KHDC1: variants seen among roughly 807,000 people sequenced by gnomAD.
The protein encoded by KHDC1 is KH domain containing 1, also known as KH homology domain-containing protein 1.
In KHDC1, 21 loss-of-function variants were observed where a neutral mutation model predicts 24.7. The observed-to-expected ratio is 0.85, with a 90% CI of 0.60 to 1.23. The LOEUF (loss-of-function observed/expected upper bound fraction) is 1.23. Among genes scored for constraint, KHDC1 ranks in the 50% most tolerant of loss-of-function variants. The pLI, the probability that KHDC1 is intolerant of heterozygous loss-of-function variation, is 0.00. For missense variants in KHDC1, 274 were observed against 298.5 expected, an observed-to-expected ratio of 0.92 and a Z score of 0.61; for synonymous variants, 98 against 111.7, an observed-to-expected ratio of 0.88 and a Z score of 0.77.
intron 2 of KHDC1, among the ~76,000 whole-genome samples, chr6:73,286,571 G>A (rs1191987887): frequency 6.6e-6 from 1 of 152,064 alleles, no homozygotes; most frequent in Non-Finnish European, 1.5e-5. Flanking sequence ...ATGACAAAGA[G>A]CAATATATAA....
intron 1 of KHDC1, among the ~76,000 whole-genome samples, chr6:73,302,703 C>T (rs1330546147): frequency 6.6e-6 from 1 of 152,176 alleles, no homozygotes; most frequent in Non-Finnish European, 1.5e-5. Context: ...TCTGATGGGA[C>T]CATTATTGTA....
In KHDC1 at chr6:73,290,571, A is replaced by T; in HGVS notation, c.206+1427T>A. 2 of 506,202 alleles carry T rather than the reference A, an allele frequency of 4.0e-6. 1 individual carries two copies. Among genetic ancestry groups the T allele is most frequent in the South Asian group, 2.9e-5 (2 of 67,886 alleles). The allele number at this position is 506,202 out of a possible 1,614,324, so 31.4% of individuals were successfully genotyped here. ...AAATATATCATAAATCTGAAGAGGA[A>T]CTGGGAGAAGCTTCTGCTGGCAGCT... On this transcript the variant is annotated intron_variant, in intron 2 of 4. Transcript: ENST00000370384.
intron 2 of KHDC1, chr6:73,291,838 G>A: frequency 1.4e-6 from 1 of 704,072 alleles, no homozygotes; most frequent in Non-Finnish European, 2.4e-6. Flanking sequence ...TTGTGTGATG[G>A]GCACACTGGA....
At chr6:73,280,435 T>G (rs1348317015) in intron 2 of KHDC1, among the ~76,000 whole-genome samples, 3 of 152,184 alleles carry the variant, frequency 2.0e-5, no homozygotes, top group African/African-American at 4.8e-5. Context: ...AGTGCTGAGA[T>G]TACTGGCATG....
At chr6:73,292,844 A>T (rs546545566) in intron 1 of KHDC1, 5 of 712,464 alleles carry the variant, frequency 7.0e-6, no homozygotes, top group Non-Finnish European at 1.3e-5. Context: ...ATGCTTATAG[A>T]TTAACTTTGA....
rs111888642 is a variant in KHDC1, at chr6:73,252,404, TA to T, written c.207-9875del. Reference sequence around the variant, plus strand: ...TTTTTTATAGATATCACAATGTATTTAGAATAAATTAGCTCTTCTAGTAATT... The same window carrying T: ...TTTTTTATAGATATCACAATGTATTTGAATAAATTAGCTCTTCTAGTAATT... On this transcript the variant is annotated intron_variant, in intron 2 of 4. Coordinates refer to ENST00000370384, the Ensembl canonical transcript of KHDC1. 1.1e-4 allele frequency among the ~76,000 whole-genome samples: 16 copies of T among 152,270 alleles called. 1 individual carries two copies. The highest frequency in any genetic ancestry group is 3.6e-4 in the African/African-American group (15 of 41,546).
intron 2 of KHDC1, among the ~76,000 whole-genome samples, chr6:73,247,312 T>C (rs1202030447): frequency 3.9e-5 from 6 of 152,032 alleles, no homozygotes. Context: ...GTGGTTGAAA[T>C]GTATTGGGAT....
intron 2 of KHDC1, chr6:73,290,689 G>C (rs1471016643): frequency 4.4e-6 from 2 of 454,062 alleles, no homozygotes; most frequent in Admixed American, 5.0e-5. Context: ...TGCTGCTGCT[G>C]GAGCCACATG....
intron 2 of KHDC1, among the ~76,000 whole-genome samples, chr6:73,244,856 A>T (rs2150550846): frequency 6.6e-6 from 1 of 152,280 alleles, no homozygotes; most frequent in Non-Finnish European, 1.5e-5. Flanking sequence ...TTGCTTGAGC[A>T]CAGGAGTCTA....
intron 2 of KHDC1, chr6:73,268,556 G>C (rs994209286): frequency 1.3e-5 from 2 of 152,216 alleles, no homozygotes; most frequent in Non-Finnish European, 2.9e-5. Flanking sequence ...TTTGGACAGG[G>C]CGCTGAATGG....
At chr6:73,283,340 A>T (rs570222777) in intron 2 of KHDC1, among the ~76,000 whole-genome samples, 81 of 138,330 alleles carry the variant, frequency 5.9e-4, no homozygotes, top group South Asian at 2.3e-3. Flanking sequence ...TTTTTTTTTT[A>T]AAAAGAAGCA....
intron 1 of KHDC1, among the ~76,000 whole-genome samples, chr6:73,293,596 A>G (rs536460953): frequency 6.6e-6 from 1 of 152,164 alleles, no homozygotes; most frequent in Non-Finnish European, 1.5e-5. Flanking sequence ...CCTGGCCAAC[A>G]TGGCAAAACC....
chr6:73,244,613 A>G, intron 2 of KHDC1, among the ~76,000 whole-genome samples: 1 of 147,652 alleles, frequency 6.8e-6, no homozygotes, highest in Non-Finnish European at 1.5e-5. Context: ...TAGATTTAAA[A>G]CAATGAATCG....
At chr6:73,248,397 C>G (rs1293491908) in intron 2 of KHDC1, among the ~76,000 whole-genome samples, 1 of 151,972 alleles carries the variant, frequency 6.6e-6, no homozygotes, top group African/African-American at 2.4e-5. Context: ...CTATCTGTCT[C>G]TCTCTCCTCT....
At chr6:73,308,514 T>A (rs370714055) in intron 1 of KHDC1, among the ~76,000 whole-genome samples, 161 of 151,774 alleles carry the variant, frequency 1.1e-3, no homozygotes, top group African/African-American at 3.7e-3. Flanking sequence ...TCCGGCTTTT[T>A]TTTTTTTCTT....
At chr6:73,290,283 AAAAG>A (rs1445538013) in intron 2 of KHDC1, 104 of 163,312 alleles carry the variant, frequency 6.4e-4, no homozygotes, top group Non-Finnish European at 9.6e-4. Context: ...CCCAAAAAAA[AAAAG>A]AAAAGAAAAA....
chr6:73,262,341 T>C (rs1162323580), intron 2 of KHDC1, among the ~76,000 whole-genome samples: 1 of 152,236 alleles, frequency 6.6e-6, no homozygotes, highest in Non-Finnish European at 1.5e-5. Context: ...TTTCCTCTGC[T>C]CCTCCTTTCC....
At chr6:73,299,770 G>T (rs1039115795) in intron 1 of KHDC1, 52 of 152,598 alleles carry the variant, frequency 3.4e-4, no homozygotes, top group Non-Finnish European at 7.0e-4. Flanking sequence ...GGCCTGAATG[G>T]CCCAGTTTGA....
chr6:73,289,349 A>T (rs1312139975), intron 2 of KHDC1, among the ~76,000 whole-genome samples: 1 of 149,428 alleles, frequency 6.7e-6, no homozygotes, highest in South Asian at 2.1e-4. Context: ...AAAAAAAAAA[A>T]AAAAAAAAAA....
Sources: gnomAD v4.1 joint callset for allele counts (sites outside exome capture counted in the v4.1 genomes callset) on GRCh38, gnomAD v4.1.1 for gene constraint, MANE v1.5 for transcripts, NCBI Gene and HGNC (gene_info 2026-07-23, HGNC 2026-07-21) for gene names.